TDP1: variants seen among roughly 807,000 people sequenced by gnomAD.
The protein encoded by TDP1 is tyr-DNA phosphodiesterase 1.
Under a neutral mutation model 81.5 loss-of-function variants are expected in TDP1, and 64 were observed. That is an observed-to-expected ratio of 0.79 (90% CI 0.64 to 0.97). TDP1 has a LOEUF of 0.97. TDP1 is among the 50% of genes least tolerant of loss of function. The pLI, the probability that TDP1 is intolerant of heterozygous loss-of-function variation, is 0.00. For missense variants in TDP1, 723 were observed against 743.8 expected (o/e 0.97, Z 0.33); for synonymous variants, 256 against 264.3 (o/e 0.97, Z 0.30).
intron 2 of TDP1, among the ~76,000 whole-genome samples, chr14:89,960,291 G>T (rs548801053): frequency 6.6e-6 from 1 of 151,496 alleles, no homozygotes; most frequent in African/African-American, 2.4e-5. Flanking sequence ...TTTTCAAACC[G>T]GAAGGATTAA....
intron 14 of TDP1, among the ~76,000 whole-genome samples, chr14:89,998,377 T>TATAC (rs2140158539): frequency 1.8e-4 from 1 of 5,520 alleles, no homozygotes; most frequent in African/African-American, 3.2e-4. Flanking sequence ...GCACATTATA[T>TATAC]ATATATATAT....
intron 16 of TDP1, among the ~76,000 whole-genome samples, chr14:90,037,299 CTT>C (rs1340105071): frequency 6.6e-6 from 1 of 152,106 alleles, no homozygotes; most frequent in East Asian, 1.9e-4. Flanking sequence ...ACTTTGTTAT[CTT>C]ATATGCTATC....
rs757389301 is a variant in TDP1 at position 89,971,257 on chromosome 14, ATC to A, written c.750_751del (p.Cys251ProfsTer21). ...LHAQAKPYEN[I>X]SLCQAKLDIA... ...TGCCCAGGCCAAGCCTTACGAGAAC[ATC>A]TCTCTCTGCCAGGTAAGCCACTTAC... On this transcript the variant is annotated frameshift_variant, in exon 6 of 17. Transcript: ENST00000335725. LOFTEE classifies it high-confidence loss of function. 2 of 1,613,990 alleles carry A rather than the reference ATC, an allele frequency of 1.2e-6. No homozygotes were observed. The highest frequency in any genetic ancestry group is 1.7e-6 in the Non-Finnish European group (2 of 1,179,864).
chr14:89,992,065 A>G lies in TDP1; in HGVS notation c.1433+82A>G. 6 of 1,079,176 alleles carry G rather than the reference A, an allele frequency of 5.6e-6. 1 individual carries two copies. Among genetic ancestry groups the G allele is most frequent in the Non-Finnish European group, 8.4e-6 (6 of 714,674 alleles). 66.9% of individuals were successfully genotyped at this position (1,079,176 alleles called of 1,614,324 possible). On this transcript the variant is annotated intron_variant, in intron 13 of 16. Transcript: ENST00000335725. ...ATGTCACTGGTTTGTTTTTTTTTTTAAAAGGAACTTTATGTAATATAGCTA... is the reference window on the plus strand; with the variant it reads ...ATGTCACTGGTTTGTTTTTTTTTTTGAAAGGAACTTTATGTAATATAGCTA...
chr14:90,009,320 A>G (rs1884420779), intron 14 of TDP1, among the ~76,000 whole-genome samples: 1 of 152,210 alleles, frequency 6.6e-6, no homozygotes, highest in Non-Finnish European at 1.5e-5. Flanking sequence ...TATTTGAGAG[A>G]TCAGGTGGAA....
intron 14 of TDP1, among the ~76,000 whole-genome samples, chr14:90,005,815 A>T (rs1897626943): frequency 6.6e-6 from 1 of 152,266 alleles, no homozygotes; most frequent in Admixed American, 6.5e-5. Flanking sequence ...ATGGGTTACT[A>T]TTAAATATAT....
intron 14 of TDP1, among the ~76,000 whole-genome samples, chr14:90,002,746 G>A (rs1350206549): frequency 1.3e-5 from 2 of 150,798 alleles, no homozygotes; most frequent in Non-Finnish European, 3.0e-5. Flanking sequence ...GGTGGTGTGC[G>A]CCTGCAGTCC....
intron 14 of TDP1, among the ~76,000 whole-genome samples, chr14:90,009,097 G>T (rs900880792): frequency 6.6e-6 from 1 of 152,152 alleles, no homozygotes; most frequent in Non-Finnish European, 1.5e-5. Flanking sequence ...ATTTTCTGTT[G>T]TCTTGCTCAT....
chr14:89,993,315 A>G (rs1896378521), intron 13 of TDP1, 61 bp from the exon 14 acceptor site: 2 of 1,421,404 alleles, frequency 1.4e-6, no homozygotes, highest in Middle Eastern at 1.7e-4. Context: ...CAGTTTCCTA[A>G]TATTAGGATT....
chr14:89,962,838 C>T (rs1892487315), intron 2 of TDP1: 2 of 848,592 alleles, frequency 2.4e-6, no homozygotes, highest in Non-Finnish European at 2.8e-6. Flanking sequence ...AACCACTGCA[C>T]CACTCCAGCT....
chr14:89,998,373 T>A (rs1223650810), intron 14 of TDP1, among the ~76,000 whole-genome samples: 3 of 2,154 alleles, frequency 1.4e-3, no homozygotes, highest in African/African-American at 1.3e-3. Context: ...CCAAGCACAT[T>A]ATATATATAT....
intron 11 of TDP1, 113 bp downstream of exon 11, chr14:89,989,203 T>A (rs1222937118): frequency 2.1e-6 from 3 of 1,398,676 alleles, no homozygotes. Flanking sequence ...TTCTTTTTTT[T>A]TTTTTGGCGT....
chr14:89,999,112 AT>A (rs1365663992), intron 14 of TDP1, among the ~76,000 whole-genome samples: 3 of 152,092 alleles, frequency 2.0e-5, no homozygotes, highest in African/African-American at 2.4e-5. Flanking sequence ...GGTCAAGATA[AT>A]TTTTTGTTAT....
intron 14 of TDP1, among the ~76,000 whole-genome samples, chr14:90,002,451 T>C (rs1897265980): frequency 6.6e-6 from 1 of 152,206 alleles, no homozygotes; most frequent in South Asian, 2.1e-4. Context: ...GTGTTTAATA[T>C]TAGTTCACTG....
chr14:89,983,355 T>G (rs934559397), intron 8 of TDP1: 3 of 261,570 alleles, frequency 1.1e-5, no homozygotes, highest in Non-Finnish European at 1.5e-5. Flanking sequence ...GTGCTAAGTG[T>G]CTCCCCAGGG....
intron 9 of TDP1, 73 bp downstream of exon 9, chr14:89,984,756 G>A: frequency 6.2e-7 from 1 of 1,603,354 alleles, no homozygotes; most frequent in Non-Finnish European, 8.5e-7. Context: ...GGTCTGGCAT[G>A]CAGGGGCCTG....
chr14:89,967,487 T>C (rs1239690124), intron 5 of TDP1, 65 bp downstream of exon 5: 1 of 1,379,432 alleles, frequency 7.2e-7, no homozygotes, highest in Non-Finnish European at 1.0e-6. Context: ...CTAAGATTTG[T>C]ATTTCTCAGG....
rs868062111 is a variant in TDP1, at chr14:90,022,737, T to G, written c.1644+3319T>G. On this transcript the variant is annotated intron_variant, in intron 15 of 16. Transcript: ENST00000335725. ...TATGTTGTCTACTGATATGTGAAGCTTCTGGAAAAAAAGTAGACCTTTGCT... is the reference window on the plus strand; with the variant it reads ...TATGTTGTCTACTGATATGTGAAGCGTCTGGAAAAAAAGTAGACCTTTGCT... The G allele has an allele frequency of 1.9e-5, 19 of 985,190 alleles. No homozygotes were observed. In the African/African-American group the frequency reaches 2.6e-4, roughly 14 times the overall value. The allele number at this position is 985,190 out of a possible 1,614,324, so 61.0% of individuals were successfully genotyped here. A position where few individuals can be genotyped will look rare whatever the true frequency, so the allele number is the denominator to read the frequency against.
At chr14:90,033,708 G>A in intron 16 of TDP1, 1 of 171,906 alleles carries the variant, frequency 5.8e-6, no homozygotes, top group South Asian at 1.3e-4. Context: ...AAGGTCAAAA[G>A]GTCATTAAGT....
Sources: gnomAD v4.1 joint callset for allele counts (sites outside exome capture counted in the v4.1 genomes callset) on GRCh38, gnomAD v4.1.1 for gene constraint, MANE v1.5 for transcripts, NCBI Gene and HGNC (gene_info 2026-07-23, HGNC 2026-07-21) for gene names.